The following RALYL variants were observed in gnomAD, a reference collection of about 807,000 sequenced individuals.
The protein encoded by RALYL is RALY RNA binding protein like, also known as RNA-binding Raly-like protein.
In RALYL, 29 loss-of-function variants were observed where a neutral mutation model predicts 35.1. The observed-to-expected ratio is 0.83, with a 90% CI of 0.61 to 1.13. RALYL has a LOEUF of 1.13. Among genes scored for constraint, RALYL ranks in the 50% most tolerant of loss-of-function variants. The pLI is 0.00. For synonymous variants in RALYL, 120 were observed against 127.6 expected, an observed-to-expected ratio of 0.94 and a Z score of 0.40; for missense variants, 359 against 360.4, an observed-to-expected ratio of 1.00 and a Z score of 0.03.
intron 2 of RALYL, among the ~76,000 whole-genome samples, chr8:84,601,429 C>T (rs1815923660): frequency 6.6e-6 from 1 of 152,030 alleles, no homozygotes; most frequent in African/African-American, 2.4e-5. Context: ...GAGAAATTAC[C>T]TAGAAACTAA....
intron 8 of RALYL, among the ~76,000 whole-genome samples, chr8:84,893,494 A>C (rs1844219121): frequency 6.6e-6 from 1 of 152,228 alleles, no homozygotes; most frequent in Non-Finnish European, 1.5e-5. Flanking sequence ...AGTGCTTAAC[A>C]CAGTGCTAAT....
intron 1 of RALYL, among the ~76,000 whole-genome samples, chr8:84,355,515 A>T (rs1310711387): frequency 6.6e-6 from 1 of 150,640 alleles, no homozygotes; most frequent in Admixed American, 6.6e-5. Flanking sequence ...GTACCAGCAT[A>T]AGAGTTTAAA....
At chr8:84,574,957 C>A (rs1028795218) in intron 2 of RALYL, among the ~76,000 whole-genome samples, 6 of 152,040 alleles carry the variant, frequency 3.9e-5, no homozygotes, top group African/African-American at 1.4e-4. Flanking sequence ...TTTCTGGAAT[C>A]CACAAAATTC....
chr8:84,627,992 C>T (rs1823111058), intron 2 of RALYL, among the ~76,000 whole-genome samples: 1 of 152,064 alleles, frequency 6.6e-6, no homozygotes, highest in Non-Finnish European at 1.5e-5. Context: ...TCGTCTTTCT[C>T]TTTTGCCGTC....
intron 2 of RALYL, among the ~76,000 whole-genome samples, chr8:84,682,455 G>A (rs1015941341): frequency 8.5e-5 from 13 of 152,270 alleles, no homozygotes; most frequent in South Asian, 2.1e-4. Flanking sequence ...ATTCGGCTGC[G>A]AATCCATCTG....
chr8:84,490,077 GCA>G (rs1491397465), intron 1 of RALYL, among the ~76,000 whole-genome samples: 3 of 143,454 alleles, frequency 2.1e-5, no homozygotes, highest in African/African-American at 7.9e-5. Context: ...GTGCTTGCGT[GCA>G]TGTGTGTGTG....
intron 5 of RALYL, 71 bp from the exon 6 acceptor site, chr8:84,862,225 C>A: frequency 3.1e-6 from 4 of 1,278,780 alleles, no homozygotes; most frequent in Non-Finnish European, 4.2e-6. Context: ...ACATTCTGTT[C>A]AACATTTCAC....
intron 1 of RALYL, among the ~76,000 whole-genome samples, chr8:84,466,423 C>G (rs1486838820): frequency 6.7e-6 from 1 of 149,266 alleles, no homozygotes; most frequent in Non-Finnish European, 1.5e-5. Context: ...GTCTTTGGCT[C>G]TGTTTATATG....
chr8:84,504,684 A>ATT (rs2057008774), intron 1 of RALYL, among the ~76,000 whole-genome samples: 1 of 152,148 alleles, frequency 6.6e-6, no homozygotes, highest in Non-Finnish European at 1.5e-5. Flanking sequence ...TCCATATTAC[A>ATT]TTGTTAAGTA....
At chr8:84,690,025 T>A (rs1345437937) in intron 2 of RALYL, among the ~76,000 whole-genome samples, 3 of 152,174 alleles carry the variant, frequency 2.0e-5, no homozygotes, top group Admixed American at 6.6e-5. Flanking sequence ...GTAATTACAC[T>A]ACTTGTATAT....
intron 4 of RALYL, among the ~76,000 whole-genome samples, chr8:84,823,906 C>T (rs187625263): frequency 6.6e-6 from 1 of 152,202 alleles, no homozygotes; most frequent in Non-Finnish European, 1.5e-5. Context: ...CTGCCAACAT[C>T]ATATTGAACA....
intron 2 of RALYL, among the ~76,000 whole-genome samples, chr8:84,550,239 C>T (rs2060626053): frequency 1.3e-5 from 2 of 152,044 alleles, no homozygotes; most frequent in African/African-American, 2.4e-5. Context: ...CTCTCCCCTC[C>T]ACTTTCTCCT....
intron 1 of RALYL, among the ~76,000 whole-genome samples, chr8:84,337,953 A>C (rs1383610212): frequency 6.6e-6 from 1 of 152,068 alleles, no homozygotes; most frequent in African/African-American, 2.4e-5. Context: ...TGGGTACCAT[A>C]ATATACACTA....
intron 1 of RALYL, among the ~76,000 whole-genome samples, chr8:84,364,578 T>TTAA (rs772995559): frequency 6.3e-4 from 96 of 152,234 alleles, no homozygotes; most frequent in Non-Finnish European, 1.2e-3. Context: ...TGACCATGAT[T>TTAA]TAATATAAAA....
chr8:84,662,183 T>TA (rs1392826673), intron 2 of RALYL, among the ~76,000 whole-genome samples: 2 of 152,178 alleles, frequency 1.3e-5, no homozygotes, highest in South Asian at 2.1e-4. Flanking sequence ...AGTGGACTCT[T>TA]ACGGCTCTCA....
At chr8:84,593,477 G>T (rs181575890) in intron 2 of RALYL, among the ~76,000 whole-genome samples, 1 of 152,108 alleles carries the variant, frequency 6.6e-6, no homozygotes, top group East Asian at 1.9e-4. Context: ...TTATCAATTG[G>T]CTTTTGTCCA....
intron 2 of RALYL, among the ~76,000 whole-genome samples, chr8:84,748,295 A>G (rs1809141983): frequency 6.6e-6 from 1 of 152,044 alleles, no homozygotes; most frequent in African/African-American, 2.4e-5. Context: ...CCTAATTGTC[A>G]AATAAAATGT....
At chr8:84,795,369 T>G (rs1821679921) in intron 3 of RALYL, among the ~76,000 whole-genome samples, 2 of 152,264 alleles carry the variant, frequency 1.3e-5, no homozygotes, top group African/African-American at 4.8e-5. Context: ...CCTGAGAAAG[T>G]TTACTGATTC....
chr8:84,689,265 T>C (rs1259343380), intron 2 of RALYL, among the ~76,000 whole-genome samples: 2 of 152,070 alleles, frequency 1.3e-5, no homozygotes, highest in African/African-American at 2.4e-5. Flanking sequence ...AGTGTGATGT[T>C]CCCCTTCCTG....
Sources: allele counts gnomAD v4.1 joint callset (sites outside exome capture counted in the v4.1 genomes callset), GRCh38; gene constraint gnomAD v4.1.1; transcripts MANE v1.5; gene names NCBI Gene and HGNC (gene_info 2026-07-23, HGNC 2026-07-21).